The following SLC44A1 variants were observed in gnomAD, a reference collection of about 807,000 sequenced individuals.
SLC44A1 encodes the protein solute carrier family 44 member 1, also known as choline transporter-like protein 1.
In SLC44A1, 26 loss-of-function variants were observed where a neutral mutation model predicts 79.3. The ratio of observed to expected loss-of-function variants is 0.33; its 90% CI spans 0.24 to 0.46. The LOEUF (loss-of-function observed/expected upper bound fraction) is 0.46, where lower values mean the gene tolerates loss of function less well. Ranked by LOEUF, SLC44A1 falls within the 20% of genes least tolerant of loss-of-function variation. SLC44A1 has a pLI of 1.00. For synonymous variants in SLC44A1, 263 were observed against 286.2 expected (o/e 0.92, Z 0.82); for missense variants, 688 against 798.1 (o/e 0.86, Z 1.66).
chr9:105,361,776 G>C (rs1827788019), intron 8 of SLC44A1, among the ~76,000 whole-genome samples: 1 of 152,304 alleles, frequency 6.6e-6, no homozygotes, highest in East Asian at 1.9e-4. Flanking sequence ...GGTGTGGTCA[G>C]GTACAGTGGC....
chr9:105,332,566 A>G (rs1457612050), intron 3 of SLC44A1, among the ~76,000 whole-genome samples: 2 of 152,194 alleles, frequency 1.3e-5, no homozygotes, highest in Non-Finnish European at 2.9e-5. Flanking sequence ...AGGCTGAAAA[A>G]TGTGCAGTGT....
At chr9:105,273,366 G>C (rs941163193) in intron 1 of SLC44A1, among the ~76,000 whole-genome samples, 3 of 152,208 alleles carry the variant, frequency 2.0e-5, no homozygotes, top group African/African-American at 7.2e-5. Flanking sequence ...AGAGTTATTG[G>C]TGAATTAGAA....
Position 105,282,838 on chromosome 9 carries a change from G to A in SLC44A1, c.37-16382G>A, listed in dbSNP as rs147169944. The stretch of plus-strand genomic sequence containing the variant: ...TGGGATTACAGGCGTGAGCCACTGC[G>A]CCTGGCACGTCTTGATTTTTTAATA... On this transcript the variant is annotated intron_variant, in intron 1 of 15. Transcript: ENST00000374720. Among the ~76,000 whole-genome samples the A allele has an allele frequency of 1.7e-3, 263 of 152,276 alleles. 1 individual carries two copies. The highest frequency in any genetic ancestry group is 5.9e-3 in the African/African-American group (247 of 41,546).
At chr9:105,250,263 T>C (rs958324579) in intron 1 of SLC44A1, among the ~76,000 whole-genome samples, 5 of 152,152 alleles carry the variant, frequency 3.3e-5, no homozygotes, top group Admixed American at 6.5e-5. Flanking sequence ...CACCACCATT[T>C]TGAACTTTCT....
chr9:105,348,275 G>A, intron 4 of SLC44A1, 83 bp from the exon 5 acceptor site: 3 of 732,892 alleles, frequency 4.1e-6, no homozygotes, highest in South Asian at 3.5e-5. Flanking sequence ...AGTTGCATAT[G>A]TTGAATAATA....
At chr9:105,374,436 T>A (rs981950869) in intron 12 of SLC44A1, among the ~76,000 whole-genome samples, 162 bp from the exon 13 acceptor site, 5 of 152,230 alleles carry the variant, frequency 3.3e-5, no homozygotes, top group Non-Finnish European at 2.9e-5. Flanking sequence ...AGGCTTTAAA[T>A]CTTATATTTT....
intron 1 of SLC44A1, among the ~76,000 whole-genome samples, chr9:105,282,905 G>A (rs941853743): frequency 6.6e-6 from 1 of 152,100 alleles, no homozygotes; most frequent in South Asian, 2.1e-4. Context: ...GTTTTGTGAC[G>A]ATATATCATC....
downstream of SLC44A1, among the ~76,000 whole-genome samples, chr9:105,401,548 T>C (rs1157288909): frequency 1.3e-5 from 2 of 152,158 alleles, no homozygotes; most frequent in African/African-American, 2.4e-5. Context: ...TTATTATTAT[T>C]AGACCAGGGA....
chr9:105,256,793 T>TTTATA, intron 1 of SLC44A1, among the ~76,000 whole-genome samples: 1 of 149,434 alleles, frequency 6.7e-6, no homozygotes, highest in Non-Finnish European at 1.5e-5. Flanking sequence ...TTTATTTTAT[T>TTTATA]TTATTATTTT....
intron 3 of SLC44A1, among the ~76,000 whole-genome samples, chr9:105,324,343 T>A (rs1826503495): frequency 6.6e-6 from 1 of 151,492 alleles, no homozygotes; most frequent in Non-Finnish European, 1.5e-5. Flanking sequence ...CTCCACCTCC[T>A]GGGTTCAAGT....
chr9:105,399,834 C>T (rs1828933731), downstream of SLC44A1, among the ~76,000 whole-genome samples: 1 of 152,188 alleles, frequency 6.6e-6, no homozygotes, highest in Admixed American at 6.5e-5. Context: ...GGTGCTCTCT[C>T]AGTCCTGTAG....
intron 12 of SLC44A1, among the ~76,000 whole-genome samples, chr9:105,371,409 T>C (rs1024717133): frequency 6.6e-6 from 1 of 152,244 alleles, no homozygotes; most frequent in African/African-American, 2.4e-5. Flanking sequence ...AGCACAGTTA[T>C]GTGCCAGTAA....
intron 15 of SLC44A1, among the ~76,000 whole-genome samples, chr9:105,433,085 C>T (rs1255608395): frequency 6.6e-6 from 1 of 151,980 alleles, no homozygotes; most frequent in African/African-American, 2.4e-5. Flanking sequence ...CACCTGAGGC[C>T]AGGAGTTCAA....
intron 1 of SLC44A1, among the ~76,000 whole-genome samples, chr9:105,262,825 C>T (rs1346003543): frequency 1.3e-5 from 2 of 152,202 alleles, no homozygotes; most frequent in Non-Finnish European, 2.9e-5. Flanking sequence ...TTCCAGCTTT[C>T]TCCCATTCAG....
At chr9:105,419,551 T>A (rs563180709) in intron 15 of SLC44A1, among the ~76,000 whole-genome samples, 25 of 152,324 alleles carry the variant, frequency 1.6e-4, no homozygotes, top group African/African-American at 6.0e-4. Context: ...TATAGCCAAC[T>A]GTTAATTATT....
intron 15 of SLC44A1, among the ~76,000 whole-genome samples, chr9:105,428,906 A>G (rs1376843684): frequency 6.6e-6 from 1 of 152,132 alleles, no homozygotes; most frequent in Non-Finnish European, 1.5e-5. Flanking sequence ...GGGTTTCACC[A>G]TGTTGGCCAG....
intron 3 of SLC44A1, among the ~76,000 whole-genome samples, chr9:105,331,385 C>G (rs917496045): frequency 2.6e-5 from 4 of 152,198 alleles, no homozygotes; most frequent in African/African-American, 9.7e-5. Flanking sequence ...ACCCTCTCAG[C>G]TGAAATACTC....
intron 4 of SLC44A1, among the ~76,000 whole-genome samples, chr9:105,337,347 G>A (rs1282493124): frequency 2.6e-5 from 4 of 152,090 alleles, no homozygotes; most frequent in African/African-American, 7.2e-5. Flanking sequence ...AAATAGGGAC[G>A]ATATTCGTAC....
At chr9:105,413,010 T>C (rs1242880424) in intron 15 of SLC44A1, among the ~76,000 whole-genome samples, 1 of 152,154 alleles carries the variant, frequency 6.6e-6, no homozygotes, top group Admixed American at 6.6e-5. Flanking sequence ...AGAGACATCT[T>C]GGGGTAGAGA....
Sources: allele counts gnomAD v4.1 joint callset (sites outside exome capture counted in the v4.1 genomes callset), GRCh38; gene constraint gnomAD v4.1.1; transcripts MANE v1.5; gene names NCBI Gene and HGNC (gene_info 2026-07-23, HGNC 2026-07-21).